The following GKAP1 variants were observed in gnomAD, a reference collection of about 807,000 sequenced individuals.
GKAP1 encodes G kinase anchoring protein 1.
GKAP1 carries 31 observed loss-of-function variants against 56.7 expected under a neutral mutation model. The observed-to-expected ratio is 0.55, with a 90% confidence interval of 0.41 to 0.74. The LOEUF is 0.74. Among genes scored for constraint, GKAP1 ranks in the 30% least tolerant of loss-of-function variants. The pLI, the probability that GKAP1 is intolerant of heterozygous loss-of-function variation, is 0.00. For synonymous variants in GKAP1, 151 were observed against 138.6 expected (o/e 1.09, Z -0.63); for missense variants, 364 against 402.3 (o/e 0.90, Z 0.82).
intron 7 of GKAP1, among the ~76,000 whole-genome samples, chr9:83,773,681 T>C (rs901769891): frequency 1.3e-5 from 2 of 152,152 alleles, no homozygotes; most frequent in African/African-American, 2.4e-5. Context: ...ATCATTTCCA[T>C]GTTTTTGTTG....
At chr9:83,795,836 G>T (rs1186751551) in intron 4 of GKAP1, among the ~76,000 whole-genome samples, 1 of 152,054 alleles carries the variant, frequency 6.6e-6, no homozygotes, top group African/African-American at 2.4e-5. Context: ...TTACAGGAAT[G>T]ACCTGCTGCA....
At chr9:83,789,770 C>T (rs955032424) in intron 4 of GKAP1, among the ~76,000 whole-genome samples, 1 of 100,884 alleles carries the variant, frequency 9.9e-6, no homozygotes, top group Non-Finnish European at 2.3e-5. Context: ...AAAGGAAAAG[C>T]AGGTGGGTTT....
chr9:83,784,628 T>C, intron 6 of GKAP1, 87 bp downstream of exon 6: 1 of 978,786 alleles, frequency 1.0e-6, no homozygotes, highest in Non-Finnish European at 1.5e-6. Flanking sequence ...TTACTTATTG[T>C]TTAAAAATTA....
chr9:83,753,574 A>G lies in GKAP1; in HGVS notation c.739-215T>C, dbSNP rs909281302. ...TTATAATTAAGCCAAACATACTGAC[A>G]AACAATATCAGGGCTTTCAAAGGAT... is the stretch of plus-strand genomic sequence containing the variant. On this transcript the variant is annotated intron_variant, in intron 8 of 12. Transcript: ENST00000376371. 2.6e-5 allele frequency among the ~76,000 whole-genome samples: 4 copies of G among 152,216 alleles called. No homozygotes were observed. In the East Asian group the frequency reaches 5.8e-4, roughly 22 times the overall value.
At chr9:83,762,228 A>G (rs1190343176) in intron 8 of GKAP1, among the ~76,000 whole-genome samples, 1 of 152,214 alleles carries the variant, frequency 6.6e-6, no homozygotes, top group Non-Finnish European at 1.5e-5. Context: ...ATCAACCTTG[A>G]AAAATCAGTA....
chr9:83,780,465 T>TTA, intron 6 of GKAP1, 61 bp from the exon 7 acceptor site: 1 of 210,478 alleles, frequency 4.8e-6, no homozygotes, highest in Non-Finnish European at 9.7e-6. Context: ...TACAAAAATG[T>TTA]AAAAAAAAAA....
intron 9 of GKAP1, among the ~76,000 whole-genome samples, chr9:83,752,417 C>T (rs1943405761): frequency 6.6e-6 from 1 of 151,704 alleles, no homozygotes. Flanking sequence ...CTCTGTCTCA[C>T]AAAAACAAAC....
chr9:83,793,677 T>C (rs931923957), intron 4 of GKAP1, among the ~76,000 whole-genome samples: 5 of 152,096 alleles, frequency 3.3e-5, no homozygotes, highest in Non-Finnish European at 7.3e-5. Flanking sequence ...ATGCAACTTA[T>C]AAAAACACAA....
chr9:83,799,148 A>C, intron 4 of GKAP1, 37 bp downstream of exon 4: 1 of 1,592,434 alleles, frequency 6.3e-7, no homozygotes, highest in Non-Finnish European at 8.6e-7. Flanking sequence ...CCATAAATTC[A>C]ATGAAAAACA....
In GKAP1 at chr9:83,806,352, T is replaced by C; in HGVS notation, c.166A>G (p.Arg56Gly). The C allele has an allele frequency of 1.9e-6, 3 of 1,558,370 alleles. No individual in the cohort carries two copies. The highest frequency in any genetic ancestry group is 2.6e-6 in the Non-Finnish European group (3 of 1,150,162). ...GSKSTTNEKK[R>G]EKRRKKKEQQ... ...TCCTTCTTTTTTCTTCTTTTCTCTCTTTTTTTCTCATTTGTAGTTGACTTG... is the reference window on the plus strand; with the variant it reads ...TCCTTCTTTTTTCTTCTTTTCTCTCCTTTTTTCTCATTTGTAGTTGACTTG... The change falls in exon 3 of 13, where the codon AGA (arginine) becomes GGA (glycine). Residue 56 changes from arginine (R) to glycine (G), a missense_variant. Physicochemically the swap from Arg to Gly is moderately radical, Grantham distance 125. Coordinates refer to ENST00000376371, the MANE Select transcript of GKAP1 (RefSeq NM_025211.4).
chr9:83,808,774 T>C lies in GKAP1; in HGVS notation c.-43-2214A>G, dbSNP rs1186000307. 2.0e-5 allele frequency among the ~76,000 whole-genome samples: 3 copies of C among 152,250 alleles called. No individual in the cohort carries two copies. In the East Asian group the frequency reaches 5.8e-4, roughly 29 times the overall value. ...ACTGTCTCTCCCTGAAGGGGAATGA[T>C]ACTATACATCACTTCTCTGTTGAAG... On this transcript the variant is annotated intron_variant, in intron 2 of 12. Transcript: ENST00000376371.
chr9:83,813,693 G>A (rs1944542928), intron 2 of GKAP1, among the ~76,000 whole-genome samples: 1 of 152,216 alleles, frequency 6.6e-6, no homozygotes, highest in Non-Finnish European at 1.5e-5. Context: ...AGGGCAAAAT[G>A]TGAAATAAAC....
At position 83,810,655 on chromosome 9, in the gene GKAP1, C is replaced by T. The variant is rs139826880; in HGVS notation, c.-43-4095G>A. On this transcript the variant is annotated intron_variant, in intron 2 of 12. Transcript: ENST00000376371. ...AGACCACTGACCTGGAGCCAGAATG[C>T]CCATCACACCCAACTTACTACTTAA... Among the ~76,000 whole-genome samples, 489 of 152,298 alleles carry T rather than the reference C, an allele frequency of 3.2e-3. 2 individuals are homozygous for T. Among genetic ancestry groups the T allele is most frequent in the African/African-American group, 0.011 (458 of 41,560 alleles).
At chr9:83,764,301 A>G (rs1943624935) in intron 8 of GKAP1, among the ~76,000 whole-genome samples, 1 of 152,110 alleles carries the variant, frequency 6.6e-6, no homozygotes, top group Non-Finnish European at 1.5e-5. Context: ...AGTTCTCACA[A>G]GATCTGATGG....
intron 3 of GKAP1, among the ~76,000 whole-genome samples, chr9:83,799,817 T>C (rs955063569): frequency 2.0e-5 from 3 of 151,872 alleles, no homozygotes; most frequent in East Asian, 3.9e-4. Flanking sequence ...ACAAAAAAAC[T>C]AGCCGGGTGT....
intron 7 of GKAP1, among the ~76,000 whole-genome samples, chr9:83,779,333 A>AATTATTT (rs1943913664): frequency 6.6e-6 from 1 of 150,934 alleles, no homozygotes; most frequent in Non-Finnish European, 1.5e-5. Context: ...ACAATCACAA[A>AATTATTT]ATTATTTAGA....
chr9:83,741,810 TTA>T (rs1943213583), intron 12 of GKAP1, 140 bp downstream of exon 12: 1 of 601,756 alleles, frequency 1.7e-6, no homozygotes. Flanking sequence ...ACATTGTAAA[TTA>T]TATGACCGAT....
intron 4 of GKAP1, among the ~76,000 whole-genome samples, chr9:83,794,487 C>T (rs533979868): frequency 5.9e-5 from 9 of 152,254 alleles, no homozygotes; most frequent in African/African-American, 2.2e-4. Context: ...CCAGAACAAG[C>T]TATTGGAAAA....
intron 2 of GKAP1, among the ~76,000 whole-genome samples, chr9:83,813,658 A>C (rs2131332250): frequency 6.6e-6 from 1 of 152,346 alleles, no homozygotes; most frequent in African/African-American, 2.4e-5. Flanking sequence ...AATTCACACG[A>C]TAATTTTAAA....
Sources: gnomAD v4.1 joint callset for allele counts (sites outside exome capture counted in the v4.1 genomes callset) on GRCh38, gnomAD v4.1.1 for gene constraint, MANE v1.5 for transcripts, NCBI Gene and HGNC (gene_info 2026-07-23, HGNC 2026-07-21) for gene names.